Variants in SCAF8 observed in about 807,000 individuals in gnomAD.
SCAF8 encodes the protein SR-related and CTD-associated factor 8.
SCAF8 carries 23 observed loss-of-function variants against 140.5 expected under a neutral mutation model. That is an observed-to-expected ratio of 0.16 (90% confidence interval 0.12 to 0.23). The LOEUF is 0.23. Ranked by LOEUF, SCAF8 falls within the 10% of genes least tolerant of loss-of-function variation. The probability of loss-of-function intolerance (pLI) is 1.00; values close to 1 mark genes in which losing one functional copy is unlikely to be tolerated. For synonymous variants in SCAF8, 575 were observed against 528.9 expected (o/e 1.09, Z -1.20); for missense variants, 1,397 against 1,555.7 (o/e 0.90, Z 1.72).
chr6:154,807,989 G>A (rs910303570), intron 9 of SCAF8, 81 bp from the exon 10 acceptor site: 4 of 1,237,496 alleles, frequency 3.2e-6, no homozygotes, highest in Non-Finnish European at 4.5e-6. Flanking sequence ...ACATGTAATT[G>A]TGATGTTTGC....
In SCAF8 at chr6:154,798,566, T is replaced by C. The variant is rs1485456447; in HGVS notation, c.607-3405T>C. ...AGAAATCCTCTGCCTTCAGAATATA[T>C]TCTGAATCACTAACTCACCACCTCT... is the stretch of plus-strand genomic sequence containing the variant. On this transcript the variant is annotated intron_variant, in intron 6 of 19. Transcript: ENST00000367178. Among the ~76,000 whole-genome samples, 5 of 151,488 alleles carry C rather than the reference T, an allele frequency of 3.3e-5. 1 individual carries two copies. Among genetic ancestry groups the C allele is most frequent in the Non-Finnish European group, 5.9e-5 (4 of 67,772 alleles).
At chr6:154,803,779 T>C (rs1777837419) in intron 8 of SCAF8, among the ~76,000 whole-genome samples, 156 bp downstream of exon 8, 1 of 152,204 alleles carries the variant, frequency 6.6e-6, no homozygotes, top group Non-Finnish European at 1.5e-5. Context: ...TGTTGTCTCT[T>C]TGTATTATTT....
rs749769156 is a variant in SCAF8, at chr6:154,822,386, C to T, written c.1903C>T (p.Pro635Ser). The T allele has an allele frequency of 3.1e-6, 5 of 1,612,576 alleles. No homozygotes were observed. In the Admixed American group the frequency reaches 6.7e-5, roughly 22 times the overall value. The change falls in exon 16 of 20, where the codon CCT becomes TCT. Residue 635 changes from proline to serine, a missense_variant. Pro to Ser is a moderately conservative substitution (Grantham distance 74). Around this residue, in one of 5 missense-constraint regions of SCAF8, gnomAD observed 930 missense variants for 874.6 expected, o/e 1.06. Coordinates refer to ENST00000367178, the MANE Select transcript of SCAF8 (RefSeq NM_014892.5). Reference sequence around the variant, plus strand: ...GGTCACAACCCAGGCAGAGGTTTTCCCTCCTCCTGTTGCTATGTTGCAGGT... The same window carrying T: ...GGTCACAACCCAGGCAGAGGTTTTCTCTCCTCCTGTTGCTATGTTGCAGGT... ...TVVTTQAEVF[P>S]PPVAMLQIPV...
chr6:154,777,547 T>G (rs553238577), intron 2 of SCAF8, among the ~76,000 whole-genome samples: 152 of 152,334 alleles, frequency 1.0e-3, no homozygotes, highest in African/African-American at 3.2e-3. Flanking sequence ...AAAACTACCT[T>G]ACATACATTT....
In SCAF8 at chr6:154,832,150, A is replaced by G. The variant is rs1395464673; in HGVS notation, c.2571A>G (p.Ile857Met). The change falls in exon 20 of 20, where the codon ATA becomes ATG. Residue 857 changes from isoleucine to methionine, a missense_variant. Ile to Met is a conservative substitution (Grantham distance 10). This residue lies in a region of SCAF8 where 930 missense variants were observed against 874.6 expected (regional missense o/e 1.06). Transcript: ENST00000367178. ...NILNNSGILGIQPPSVSNSSG... is the reference protein window; with the variant it reads ...NILNNSGILGMQPPSVSNSSG... ...TAAATAACTCTGGAATATTGGGAATACAGCCACCCAGTGTGTCAAATAGTT... is the reference window on the plus strand; with the variant it reads ...TAAATAACTCTGGAATATTGGGAATGCAGCCACCCAGTGTGTCAAATAGTT... 8.1e-6 allele frequency: 13 copies of G among 1,614,004 alleles called. No individual in the cohort carries two copies. Among genetic ancestry groups the G allele is most frequent in the Non-Finnish European group, 1.1e-5 (13 of 1,180,002 alleles).
At chr6:154,805,965 G>A (rs1274502999) in intron 9 of SCAF8, among the ~76,000 whole-genome samples, 1 of 152,148 alleles carries the variant, frequency 6.6e-6, no homozygotes, top group Admixed American at 6.5e-5. Context: ...TATTAGGTAT[G>A]TGGTAGGCTT....
chr6:154,797,760 A>G (rs2114890383), intron 6 of SCAF8, among the ~76,000 whole-genome samples: 1 of 151,602 alleles, frequency 6.6e-6, no homozygotes, highest in African/African-American at 2.4e-5. Flanking sequence ...TTATGCATAG[A>G]ATAAAATCCA....
In SCAF8 at chr6:154,733,503, G is replaced by A. The variant is rs1028155415; in HGVS notation, c.-398G>A. Reference sequence around the variant, plus strand: ...GTTCCTGCGGCCCGAGCGGCGGGGAGGTGAAACAGGAGCCCGTCGGAGGAA... The same window carrying A: ...GTTCCTGCGGCCCGAGCGGCGGGGAAGTGAAACAGGAGCCCGTCGGAGGAA... On this transcript the variant is annotated 5_prime_UTR_variant, in exon 1 of 20. Transcript: ENST00000367178. The A allele has an allele frequency of 8.4e-6, 11 of 1,316,134 alleles. No homozygotes were observed. Among genetic ancestry groups the A allele is most frequent in the African/African-American group, 1.5e-5 (1 of 65,024 alleles). The allele number at this position is 1,316,134 out of a possible 1,614,324, so 81.5% of individuals were successfully genotyped here. A position where few individuals can be genotyped will look rare whatever the true frequency, so the allele number is the denominator to read the frequency against.
chr6:154,824,062 C>T (rs369989800), intron 16 of SCAF8, among the ~76,000 whole-genome samples, 172 bp from the exon 17 acceptor site: 1 of 152,110 alleles, frequency 6.6e-6, no homozygotes, highest in Non-Finnish European at 1.5e-5. Context: ...ATAACATTGC[C>T]TTGTTTTTAC....
intron 1 of SCAF8, among the ~76,000 whole-genome samples, chr6:154,740,935 T>G (rs530065189): frequency 6.6e-5 from 10 of 152,202 alleles, no homozygotes; most frequent in African/African-American, 2.2e-4. Flanking sequence ...TAAAGATTTC[T>G]TGAATGAATG....
chr6:154,790,501 T>A (rs1371233956), intron 4 of SCAF8, among the ~76,000 whole-genome samples: 12 of 29,414 alleles, frequency 4.1e-4, no homozygotes, highest in Middle Eastern at 0.014. Flanking sequence ...TTTTTTTTTT[T>A]TTTTTTTTTT....
intron 15 of SCAF8, among the ~76,000 whole-genome samples, chr6:154,820,838 T>C (rs1301237978): frequency 6.6e-6 from 1 of 152,198 alleles, no homozygotes; most frequent in Non-Finnish European, 1.5e-5. Context: ...CAAAATTATC[T>C]TTTTATTTTA....
Position 154,793,104 on chromosome 6 carries a change from T to C in SCAF8, c.475+128T>C, listed in dbSNP as rs926340699. 7.7e-5 allele frequency: 42 copies of C among 547,150 alleles called. No individual in the cohort carries two copies. In the Admixed American group the frequency reaches 9.3e-4, roughly 12 times the overall value. The allele number at this position is 547,150 out of a possible 1,614,324, so 33.9% of individuals were successfully genotyped here. On this transcript the variant is annotated intron_variant, in intron 5 of 19. Coordinates refer to ENST00000367178, the MANE Select transcript of SCAF8 (RefSeq NM_014892.5). ...AGCATTACATAATTGAAAGAAAATA[T>C]TTGTAGAGAAAAATAAAATTAGATA...
chr6:154,757,778 T>C (rs140293790), intron 1 of SCAF8, among the ~76,000 whole-genome samples: 16 of 152,310 alleles, frequency 1.1e-4, no homozygotes, highest in Non-Finnish European at 1.8e-4. Flanking sequence ...TACATATGCC[T>C]CTGGATGATT....
intron 6 of SCAF8, among the ~76,000 whole-genome samples, chr6:154,799,957 G>A (rs888342959): frequency 6.6e-6 from 1 of 150,832 alleles, no homozygotes; most frequent in African/African-American, 2.4e-5. Context: ...GCTAATTTTT[G>A]TATTTTTTAG....
intron 17 of SCAF8, 121 bp from the exon 18 acceptor site, chr6:154,827,051 A>G (rs1467807222): frequency 4.0e-6 from 3 of 749,202 alleles, no homozygotes; most frequent in Non-Finnish European, 6.3e-6. Flanking sequence ...AAAAATATAT[A>G]TAAATATGAG....
intron 1 of SCAF8, among the ~76,000 whole-genome samples, chr6:154,751,200 GTC>G (rs1778828362): frequency 6.6e-6 from 1 of 151,862 alleles, no homozygotes; most frequent in Non-Finnish European, 1.5e-5. Flanking sequence ...CCTGTTAACT[GTC>G]TTGCTTAAAC....
intron 3 of SCAF8, among the ~76,000 whole-genome samples, chr6:154,785,283 A>C (rs748839412): frequency 6.6e-6 from 1 of 152,198 alleles, no homozygotes; most frequent in Non-Finnish European, 1.5e-5. Context: ...AATTCTGAAC[A>C]GTATTGCTGT....
At chr6:154,752,563 G>A (rs1203073973) in intron 1 of SCAF8, among the ~76,000 whole-genome samples, 1 of 152,076 alleles carries the variant, frequency 6.6e-6, no homozygotes, top group African/African-American at 2.4e-5. Context: ...TGTTGCCCTG[G>A]AAAGTATCTT....
Sources: gnomAD v4.1 joint callset for allele counts (sites outside exome capture counted in the v4.1 genomes callset) on GRCh38, gnomAD v4.1.1 for gene constraint, gnomAD v4.1.1 regional missense constraint, MANE v1.5 for transcripts, NCBI Gene and HGNC (gene_info 2026-07-23, HGNC 2026-07-21) for gene names.